SLC37A1: variants seen among roughly 807,000 people sequenced by gnomAD.
The protein encoded by SLC37A1 is glucose-6-phosphate exchanger SLC37A1.
In SLC37A1, 49 loss-of-function variants were observed where a neutral mutation model predicts 75.3. The ratio of observed to expected loss-of-function variants is 0.65; its 90% confidence interval spans 0.52 to 0.83. The LOEUF (loss-of-function observed/expected upper bound fraction) is 0.83. Among genes scored for constraint, SLC37A1 ranks in the 40% least tolerant of loss-of-function variants. SLC37A1 has a pLI of 0.00. For missense variants in SLC37A1, 566 were observed against 695.0 expected (o/e 0.81, Z 2.09); for synonymous variants, 268 against 292.1 (o/e 0.92, Z 0.84).
intron 3 of SLC37A1, chr21:42,526,176 C>T (rs2054785345): frequency 4.6e-6 from 1 of 216,960 alleles, no homozygotes. Flanking sequence ...AAGTGGTTCC[C>T]CAAATTCCAG....
chr21:42,535,534 G>A lies in SLC37A1; in HGVS notation c.334G>A (p.Val112Met), dbSNP rs140640546. Reference protein sequence around the residue: ...LDYSFLCAYAVGMYLSGIIGE... With the variant: ...LDYSFLCAYAMGMYLSGIIGE... Reference sequence around the variant, plus strand: ...CTACTCCTTCCTGTGCGCCTATGCCGTGGGGATGTACCTCAGGTAGGTCTC... The same window carrying A: ...CTACTCCTTCCTGTGCGCCTATGCCATGGGGATGTACCTCAGGTAGGTCTC... Residue 112 changes from valine to methionine, a missense_variant, in exon 5 of 20, where the codon GTG (valine) becomes ATG (methionine). Coordinates refer to ENST00000352133, the MANE Select transcript of SLC37A1 (RefSeq NM_001320537.2). 1.6e-4 allele frequency: 265 copies of A among 1,614,102 alleles called. 1 individual carries two copies. Among genetic ancestry groups the A allele is most frequent in the African/African-American group, 1.6e-3 (117 of 75,042 alleles).
chr21:42,570,002 C>G, intron 17 of SLC37A1, among the ~76,000 whole-genome samples: 1 of 151,312 alleles, frequency 6.6e-6, no homozygotes, highest in Non-Finnish European at 1.5e-5. Context: ...TGAGAAGCGG[C>G]GGGCAGGGTG....
chr21:42,504,598 A>C (rs981902244), intron 2 of SLC37A1, among the ~76,000 whole-genome samples: 1 of 152,240 alleles, frequency 6.6e-6, no homozygotes, highest in African/African-American at 2.4e-5. Flanking sequence ...AGAACTCATT[A>C]GCCTGCCTGT....
chr21:42,575,447 C>T, intron 18 of SLC37A1: 4 of 985,454 alleles, frequency 4.1e-6, no homozygotes, highest in Non-Finnish European at 4.8e-6. Flanking sequence ...GTTGCCAGTG[C>T]AGACACTGAG....
At chr21:42,530,652 A>ACCCCCCC (rs905052485) in intron 3 of SLC37A1, among the ~76,000 whole-genome samples, 29 of 25,062 alleles carry the variant, frequency 1.2e-3, no homozygotes, top group Non-Finnish European at 2.0e-3. Context: ...ACACACACAC[A>ACCCCCCC]CACCCCCTCT....
chr21:42,543,526 C>T lies in SLC37A1; in HGVS notation c.654C>T (p.Cys218=). ...SLIAGYWVST[C]WGLSFVVPGA... is the part of the protein sequence containing the mutation. ...TCGCTGGCTACTGGGTGTCCACATG[C>T]TGGGGCCTGTCCTTCGTCGTGCCTG... Residue 218 remains cysteine (C), a synonymous_variant, in exon 8 of 20, where the codon TGC becomes TGT. Transcript: ENST00000352133. The T allele has an allele frequency of 1.2e-6, 2 of 1,614,052 alleles. No homozygotes were observed. Among genetic ancestry groups the T allele is most frequent in the Non-Finnish European group, 1.7e-6 (2 of 1,179,962 alleles).
Position 42,547,409 on chromosome 21 carries a change from G to T in SLC37A1, c.768+269G>T. 1 of 412,004 alleles carries T rather than the reference G, an allele frequency of 2.4e-6. No individual in the cohort carries two copies. Among genetic ancestry groups the T allele is most frequent in the Non-Finnish European group, 4.4e-6 (1 of 227,948 alleles). 25.5% of individuals were successfully genotyped at this position (412,004 alleles called of 1,614,324 possible). On this transcript the variant is annotated intron_variant, in intron 9 of 19. Coordinates refer to ENST00000352133, the MANE Select transcript of SLC37A1 (RefSeq NM_001320537.2). The surrounding 1 kb of genome is among the most constrained non-coding windows in gnomAD (Gnocchi z 6.1). ...GGAACCAAAGGCTGGGCCCTGGCCA[G>T]GCCTCCTCAGGAGTGGAGACCTCCT...
chr21:42,535,825 G>C (rs1410071683), intron 5 of SLC37A1, among the ~76,000 whole-genome samples: 1 of 152,344 alleles, frequency 6.6e-6, no homozygotes, highest in East Asian at 1.9e-4. Flanking sequence ...TGGCCCTGAA[G>C]TTTAGGACCT....
At chr21:42,575,813 G>A (rs430807) in intron 18 of SLC37A1, 602,108 of 983,930 alleles carry the variant, frequency 0.61, 185,819 homozygotes, top group Admixed American at 0.7. Context: ...ATCAAATACC[G>A]ACTCTCAACC....
intron 2 of SLC37A1, among the ~76,000 whole-genome samples, chr21:42,519,587 G>A (rs770413912): frequency 8.5e-5 from 13 of 152,138 alleles, no homozygotes; most frequent in Non-Finnish European, 1.9e-4. Context: ...ATGCCACAGC[G>A]GCAGATTCTG....
chr21:42,525,006 T>C (rs1389505918), intron 2 of SLC37A1, among the ~76,000 whole-genome samples: 5 of 152,032 alleles, frequency 3.3e-5, no homozygotes, highest in African/African-American at 1.2e-4. Flanking sequence ...CAGTGGCCGG[T>C]GTTCTGCTCG....
chr21:42,566,907 C>T, intron 15 of SLC37A1, 78 bp from the exon 16 acceptor site: 1 of 1,473,598 alleles, frequency 6.8e-7, no homozygotes, highest in Non-Finnish European at 9.2e-7. Flanking sequence ...TCCCCAGGCG[C>T]CCACCTCAGG....
At chr21:42,511,135 A>G (rs1052873441), upstream of SLC37A1, among the ~76,000 whole-genome samples, 4 of 152,268 alleles carry the variant, frequency 2.6e-5, no homozygotes, top group Non-Finnish European at 5.9e-5. Flanking sequence ...AATCATATCA[A>G]GTATCTTTTC....
chr21:42,535,109 AAG>A (rs1405060691), intron 4 of SLC37A1, among the ~76,000 whole-genome samples: 1 of 152,264 alleles, frequency 6.6e-6, no homozygotes, highest in Non-Finnish European at 1.5e-5. Flanking sequence ...GGGTGAGAAG[AAG>A]AGAGAGACAC....
At chr21:42,561,918 G>A (rs1239683336) in intron 11 of SLC37A1, 160 bp from the exon 12 acceptor site, 2 of 647,924 alleles carry the variant, frequency 3.1e-6, no homozygotes, top group Non-Finnish European at 5.6e-6. Flanking sequence ...ACACCACACA[G>A]CGGTGCAGCA....
intron 17 of SLC37A1, among the ~76,000 whole-genome samples, chr21:42,570,290 C>T (rs58577611): frequency 0.17 from 2,814 of 16,716 alleles, 663 homozygotes; most frequent in African/African-American, 0.34. Flanking sequence ...CGTTGTCATG[C>T]GACACACGGC....
rs1038208444 is a variant in SLC37A1, at chr21:42,552,565, T to C, written c.769-1497T>C. Among the ~76,000 whole-genome samples the C allele has an allele frequency of 2.0e-5, 3 of 152,204 alleles. No individual in the cohort carries two copies. The highest frequency in any genetic ancestry group is 7.2e-5 in the African/African-American group (3 of 41,448). On this transcript the variant is annotated intron_variant, in intron 9 of 19. Transcript: ENST00000352133. This position sits in a 1 kb window ranked among gnomAD's most constrained non-coding sequence, Gnocchi z 4.2. Reference sequence around the variant, plus strand: ...ACAGAGTTGATGCTTAATAATTATTTGTTGAATGAGTGAATGAATGATTGG... The same window carrying C: ...ACAGAGTTGATGCTTAATAATTATTCGTTGAATGAGTGAATGAATGATTGG...
chr21:42,564,015 C>A, intron 13 of SLC37A1, 138 bp downstream of exon 13: 1 of 950,346 alleles, frequency 1.1e-6, no homozygotes, highest in Non-Finnish European at 1.6e-6. Context: ...GAGGGTCAGG[C>A]CGTCACCTGG....
intron 2 of SLC37A1, among the ~76,000 whole-genome samples, chr21:42,525,443 C>T (rs1449100482): frequency 2.6e-5 from 4 of 152,206 alleles, no homozygotes; most frequent in Admixed American, 1.3e-4. Flanking sequence ...ACTTAGAGGA[C>T]ATCCAGTGTC....
Sources: gnomAD v4.1 joint callset for allele counts (sites outside exome capture counted in the v4.1 genomes callset) on GRCh38, gnomAD v4.1.1 for gene constraint, Gnocchi (gnomAD v3.1) non-coding constraint, MANE v1.5 for transcripts, NCBI Gene and HGNC (gene_info 2026-07-23, HGNC 2026-07-21) for gene names.